The following MSRA variants were observed in gnomAD, a reference collection of about 807,000 sequenced individuals.
MSRA encodes the protein methionine sulfoxide reductase A, also known as mitochondrial peptide methionine sulfoxide reductase.
MSRA carries 54 observed loss-of-function variants against 31.3 expected under a neutral mutation model. The ratio of observed to expected loss-of-function variants is 1.73; its 90% confidence interval spans 1.39 to 2.17. The LOEUF is 2.17. Ranked by LOEUF, MSRA falls within the 30% of genes most tolerant of loss-of-function variation. The pLI is 0.00. For synonymous variants in MSRA, 169 were observed against 116.5 expected, an observed-to-expected ratio of 1.45 and a Z score of -2.90; for missense variants, 507 against 300.9, an observed-to-expected ratio of 1.69 and a Z score of -5.07.
intron 5 of MSRA, among the ~76,000 whole-genome samples, chr8:10,373,840 G>C (rs972822091): frequency 3.3e-5 from 5 of 152,224 alleles, no homozygotes; most frequent in African/African-American, 1.2e-4. Context: ...CCCCTGGAGG[G>C]CTCTGAGCAG....
chr8:10,226,411 G>A (rs997974555), intron 2 of MSRA, among the ~76,000 whole-genome samples: 1 of 152,120 alleles, frequency 6.6e-6, no homozygotes, highest in Admixed American at 6.5e-5. Flanking sequence ...CTTTCATGAA[G>A]ATTTCTTCAT....
intron 1 of MSRA, among the ~76,000 whole-genome samples, chr8:10,076,845 A>C (rs1798017184): frequency 6.6e-6 from 1 of 152,122 alleles, no homozygotes; most frequent in Admixed American, 6.5e-5. Context: ...GTAGCATCTC[A>C]ACATTTAAGA....
At chr8:10,070,872 G>A (rs1797699163) in intron 1 of MSRA, among the ~76,000 whole-genome samples, 1 of 152,180 alleles carries the variant, frequency 6.6e-6, no homozygotes, top group South Asian at 2.1e-4. Context: ...ACTTGGTGTG[G>A]ATGTACCACA....
intron 4 of MSRA, among the ~76,000 whole-genome samples, chr8:10,302,031 T>G (rs1439535623): frequency 2.0e-5 from 3 of 152,260 alleles, no homozygotes; most frequent in African/African-American, 7.2e-5. Flanking sequence ...AGTTTAGCCT[T>G]TCTCGTCTTT....
At position 10,054,610 on chromosome 8, in the gene MSRA, A is replaced by G. The variant is rs1272734754; in HGVS notation, c.94A>G (p.Ser32Gly). Residue 32 changes from serine (S) to glycine (G), a missense_variant, in exon 1 of 6, where the codon AGC (serine) becomes GGC (glycine). Coordinates refer to ENST00000317173, the MANE Select transcript of MSRA (RefSeq NM_012331.5). ...GGGCAACTCGGCCTCGAACATCGTC[A>G]GCCCCCAGGAGGCCTTGCCGGGCCG... ...RMGNSASNIV[S>G]PQEALPGRKE... is the part of the protein sequence containing the mutation. 2 of 1,578,586 alleles carry G rather than the reference A, an allele frequency of 1.3e-6. No homozygotes were observed. Among genetic ancestry groups the G allele is most frequent in the African/African-American group, 1.4e-5 (1 of 71,578 alleles).
chr8:10,256,046 T>C (rs11782541), intron 3 of MSRA, among the ~76,000 whole-genome samples: 37,220 of 151,946 alleles, frequency 0.24, 5,115 homozygotes, highest in Admixed American at 0.35. Flanking sequence ...CTGACATGTA[T>C]AATGAGTGAC....
At chr8:10,403,338 G>A (rs1348016540) in intron 5 of MSRA, among the ~76,000 whole-genome samples, 10 of 152,158 alleles carry the variant, frequency 6.6e-5, no homozygotes, top group African/African-American at 2.2e-4. Flanking sequence ...AAGCCCTGTC[G>A]TGCTGTGTGG....
rs1045940007 is a variant in MSRA, at chr8:10,115,603, G to A, written c.142+60945G>A. On this transcript the variant is annotated intron_variant, in intron 1 of 5. Coordinates refer to ENST00000317173, the MANE Select transcript of MSRA (RefSeq NM_012331.5). ...CAGTGACTCTCAGACAGGATTTGAT[G>A]GAGAGAGTGGTCAGAACCAGTGGCG... Among the ~76,000 whole-genome samples the A allele has an allele frequency of 2.6e-5, 4 of 152,220 alleles. No individual in the cohort carries two copies. In the South Asian group the frequency reaches 8.3e-4, roughly 31 times the overall value.
intron 1 of MSRA, among the ~76,000 whole-genome samples, chr8:10,151,439 C>T (rs570480770): frequency 3.3e-5 from 5 of 151,908 alleles, no homozygotes; most frequent in African/African-American, 7.2e-5. Flanking sequence ...GTCAGGATAT[C>T]GAGACCATCC....
intron 1 of MSRA, among the ~76,000 whole-genome samples, chr8:10,072,402 A>G (rs944954955): frequency 5.3e-5 from 8 of 152,028 alleles, no homozygotes; most frequent in Admixed American, 5.2e-4. Flanking sequence ...TTTTTGTCCA[A>G]AATTAGTTGG....
chr8:10,067,408 C>T (rs2087163088), intron 1 of MSRA, among the ~76,000 whole-genome samples: 1 of 152,164 alleles, frequency 6.6e-6, no homozygotes, highest in Non-Finnish European at 1.5e-5. Context: ...CACAGTTGAT[C>T]CATTCACCTA....
At chr8:10,213,501 ACCTCGGCTCACTGCAACCTCCG>A (rs1465910800) in intron 2 of MSRA, among the ~76,000 whole-genome samples, 1 of 135,456 alleles carries the variant, frequency 7.4e-6, no homozygotes, top group Non-Finnish European at 1.5e-5. Flanking sequence ...CAGTGACGCG[ACCTCGGCTCACTGCAACCTCCG>A]CCTCCTGAGT....
intron 5 of MSRA, among the ~76,000 whole-genome samples, chr8:10,419,003 A>G (rs1436086007): frequency 6.6e-6 from 1 of 151,858 alleles, no homozygotes; most frequent in African/African-American, 2.4e-5. Flanking sequence ...CAGTCCTACT[A>G]AGGCGGGAGG....
At chr8:10,231,145 A>C (rs1811440660) in intron 2 of MSRA, among the ~76,000 whole-genome samples, 1 of 152,168 alleles carries the variant, frequency 6.6e-6, no homozygotes, top group African/African-American at 2.4e-5. Context: ...ATGGAGACTG[A>C]CTGGAAGGGA....
chr8:10,252,744 C>G (rs539388891), intron 3 of MSRA, among the ~76,000 whole-genome samples: 2 of 152,170 alleles, frequency 1.3e-5, no homozygotes, highest in Non-Finnish European at 2.9e-5. Flanking sequence ...ATATAATAAG[C>G]TGGTACGCAC....
intron 5 of MSRA, among the ~76,000 whole-genome samples, chr8:10,341,894 G>A (rs547024135): frequency 1.3e-5 from 2 of 152,218 alleles, no homozygotes; most frequent in Admixed American, 1.3e-4. Context: ...GCTCGGGACA[G>A]TGCCAGCTAA....
chr8:10,309,740 A>G (rs1801332649), intron 4 of MSRA, among the ~76,000 whole-genome samples: 1 of 152,078 alleles, frequency 6.6e-6, no homozygotes. Flanking sequence ...GGAACTAGAG[A>G]GCCTGCAAGG....
intron 5 of MSRA, among the ~76,000 whole-genome samples, chr8:10,339,252 A>G (rs1323706270): frequency 1.3e-5 from 2 of 152,146 alleles, no homozygotes; most frequent in Non-Finnish European, 2.9e-5. Context: ...TTACGTTACC[A>G]TCTCTTTATC....
chr8:10,099,817 ACCGGC>A (rs568881087), intron 1 of MSRA, among the ~76,000 whole-genome samples: 100 of 152,264 alleles, frequency 6.6e-4, no homozygotes, highest in African/African-American at 2.3e-3. Flanking sequence ...GGCCCTGGAC[ACCGGC>A]TTTCTCTCTG....
Sources: allele counts gnomAD v4.1 joint callset (sites outside exome capture counted in the v4.1 genomes callset), GRCh38; gene constraint gnomAD v4.1.1; transcripts MANE v1.5; gene names NCBI Gene and HGNC (gene_info 2026-07-23, HGNC 2026-07-21).